Variants in BBX observed in about 807,000 individuals in gnomAD.
The protein encoded by BBX is BBX high mobility group box domain containing.
BBX carries 30 observed loss-of-function variants against 100.2 expected under a neutral mutation model. The ratio of observed to expected loss-of-function variants is 0.30; its 90% CI spans 0.22 to 0.41. BBX has a LOEUF of 0.41. BBX is among the 10% of genes least tolerant of loss of function. The pLI is 1.00. For synonymous variants in BBX, 376 were observed against 388.1 expected, an observed-to-expected ratio of 0.97 and a Z score of 0.37; for missense variants, 1,023 against 1,129.8, an observed-to-expected ratio of 0.91 and a Z score of 1.35.
At chr3:107,798,383 T>A (rs1206832340) in intron 15 of BBX, 140 bp from the exon 16 acceptor site, 1 of 763,538 alleles carries the variant, frequency 1.3e-6, no homozygotes, top group East Asian at 2.7e-5. Flanking sequence ...TTTATTTCAT[T>A]TTTTCCATCA....
At chr3:107,712,328 A>G (rs1439326658) in intron 4 of BBX, among the ~76,000 whole-genome samples, 1 of 152,156 alleles carries the variant, frequency 6.6e-6, no homozygotes, top group Non-Finnish European at 1.5e-5. Flanking sequence ...CTCTGGACTC[A>G]TATTTCTATT....
intron 2 of BBX, among the ~76,000 whole-genome samples, chr3:107,622,075 T>C (rs565906174): frequency 6.6e-6 from 1 of 152,246 alleles, no homozygotes; most frequent in African/African-American, 2.4e-5. Flanking sequence ...AATTCTCTTA[T>C]GTTTTTCATT....
intron 10 of BBX, among the ~76,000 whole-genome samples, chr3:107,770,202 T>C (rs1486468347): frequency 2.6e-5 from 4 of 152,208 alleles, no homozygotes; most frequent in Non-Finnish European, 5.9e-5. Flanking sequence ...TTGAAATATA[T>C]TGAAGCCTAG....
chr3:107,716,164 T>C (rs1411802600), intron 4 of BBX, among the ~76,000 whole-genome samples: 2 of 152,214 alleles, frequency 1.3e-5, no homozygotes, highest in Non-Finnish European at 2.9e-5. Context: ...ACTATTCATA[T>C]ATTTTATGTG....
chr3:107,548,254 A>G (rs1049625625), intron 2 of BBX, among the ~76,000 whole-genome samples: 1 of 152,218 alleles, frequency 6.6e-6, no homozygotes, highest in Non-Finnish European at 1.5e-5. Context: ...TTTGAAAATT[A>G]AAAAGATACT....
intron 3 of BBX, among the ~76,000 whole-genome samples, chr3:107,691,953 T>C (rs2060198474): frequency 6.6e-6 from 1 of 152,112 alleles, no homozygotes; most frequent in Non-Finnish European, 1.5e-5. Flanking sequence ...TTTGCAACCA[T>C]TAAGATTGAG....
Position 107,526,403 on chromosome 3 carries a change from G to A in BBX, c.-84+5G>A, listed in dbSNP as rs1348380621. Reference sequence around the variant, plus strand: ...ACTTTCCATTTGCCTTCCTGGGTAAGTATGCAAACTGTTCGTACAGGGAAG... The same window carrying A: ...ACTTTCCATTTGCCTTCCTGGGTAAATATGCAAACTGTTCGTACAGGGAAG... On this transcript the variant is annotated splice_donor_5th_base_variant and intron_variant, in intron 2 of 17. Transcript: ENST00000325805. The A allele has an allele frequency of 7.5e-6, 3 of 398,472 alleles. No homozygotes were observed. The highest frequency in any genetic ancestry group is 1.3e-5 in the Non-Finnish European group (3 of 226,068). The allele number at this position is 398,472 out of a possible 1,614,324, so 24.7% of individuals were successfully genotyped here. A position where few individuals can be genotyped will look rare whatever the true frequency, so the allele number is the denominator to read the frequency against.
At chr3:107,618,288 A>G (rs1036549589) in intron 2 of BBX, among the ~76,000 whole-genome samples, 12 of 151,418 alleles carry the variant, frequency 7.9e-5, no homozygotes, top group Non-Finnish European at 1.2e-4. Context: ...TTTGTTAGGG[A>G]TTTTTGTATC....
At chr3:107,547,632 G>C (rs549261945) in intron 2 of BBX, among the ~76,000 whole-genome samples, 3 of 152,042 alleles carry the variant, frequency 2.0e-5, no homozygotes, top group East Asian at 1.9e-4. Context: ...ACTGCCTGTG[G>C]TGTACCCGGC....
chr3:107,790,664 G>A (rs1051539900), intron 14 of BBX, among the ~76,000 whole-genome samples: 2 of 152,138 alleles, frequency 1.3e-5, no homozygotes, highest in Admixed American at 1.3e-4. Context: ...GCATCTCCCT[G>A]CATGTTAGTG....
intron 2 of BBX, among the ~76,000 whole-genome samples, chr3:107,630,424 A>C (rs572596191): frequency 3.9e-5 from 6 of 152,028 alleles, no homozygotes; most frequent in East Asian, 1.9e-4. Context: ...CGAGGGGGGA[A>C]CTCTGGTATT....
intron 13 of BBX, among the ~76,000 whole-genome samples, chr3:107,786,680 A>G (rs577142864): frequency 1.2e-4 from 19 of 152,312 alleles, no homozygotes; most frequent in African/African-American, 4.1e-4. Context: ...TAAAGCTAAA[A>G]CAATAAAACT....
intron 3 of BBX, among the ~76,000 whole-genome samples, chr3:107,680,237 C>T (rs1179639776): frequency 6.6e-6 from 1 of 152,116 alleles, no homozygotes; most frequent in Non-Finnish European, 1.5e-5. Context: ...AGACCAAAGT[C>T]GAAGGATGGC....
chr3:107,769,179 T>C (rs1399555753), intron 10 of BBX, among the ~76,000 whole-genome samples: 2 of 68,306 alleles, frequency 2.9e-5, no homozygotes. Context: ...CATAGATAGA[T>C]AGATAGATAG....
In BBX at chr3:107,661,983, G is replaced by A. The variant is rs147391702; in HGVS notation, c.-10+16074G>A. On this transcript the variant is annotated intron_variant, in intron 3 of 17. Transcript: ENST00000325805. ...CATTTGTTAAGTGACTACTGTTCAC[G>A]CAGCATAGTTGGTGGTCCTTTTGGG... The A allele has an allele frequency of 2.4e-3, 1,987 of 830,170 alleles. 41 individuals carry two copies. The African/African-American group carries it at 0.033, about 14-fold the overall frequency. 51.4% of individuals were successfully genotyped at this position (830,170 alleles called of 1,614,324 possible). A position where few individuals can be genotyped will look rare whatever the true frequency, so the allele number is the denominator to read the frequency against.
chr3:107,666,665 G>A (rs566590307), intron 3 of BBX, among the ~76,000 whole-genome samples: 134 of 152,180 alleles, frequency 8.8e-4, no homozygotes, highest in Non-Finnish European at 1.7e-3. Context: ...TCCCGGTCCC[G>A]GATTCAAGCA....
At position 107,805,490 on chromosome 3, in the gene BBX, C is replaced by T. The variant is rs1289626154; in HGVS notation, c.*33C>T. Reference sequence around the variant, plus strand: ...TTTCATTGTAAAACATTGTGCTTTACCTACTACCCTAGCCTTGTCTTTACC... The same window carrying T: ...TTTCATTGTAAAACATTGTGCTTTATCTACTACCCTAGCCTTGTCTTTACC... On this transcript the variant is annotated 3_prime_UTR_variant, in exon 18 of 18. Transcript: ENST00000325805. 6.2e-7 allele frequency: 1 copy of T among 1,614,058 alleles called. No individual in the cohort carries two copies. Among genetic ancestry groups the T allele is most frequent in the East Asian group, 2.2e-5 (1 of 44,886 alleles).
At chr3:107,776,934 T>A (rs62263961) in intron 12 of BBX, among the ~76,000 whole-genome samples, 1 of 152,098 alleles carries the variant, frequency 6.6e-6, no homozygotes, top group Non-Finnish European at 1.5e-5. Flanking sequence ...GGGGAAAATA[T>A]CACCTCCACC....
At position 107,811,313 on chromosome 3, in the gene BBX, A is replaced by G. The variant is rs200940433; in HGVS notation, c.*5856A>G. The stretch of plus-strand genomic sequence containing the variant: ...TAGGAAAAATACTAATAAAAGTAAG[A>G]TATTTCAACTATTTTAGAACATCGA... On this transcript the variant is annotated 3_prime_UTR_variant, in exon 18 of 18. Coordinates refer to ENST00000325805, the MANE Select transcript of BBX (RefSeq NM_001142568.3). 1 of 152,238 alleles carries G rather than the reference A, an allele frequency of 6.6e-6. No individual in the cohort carries two copies. The highest frequency in any genetic ancestry group is 1.5e-5 in the Non-Finnish European group (1 of 68,040). 9.4% of individuals were successfully genotyped at this position (152,238 alleles called of 1,614,324 possible).
Sources: gnomAD v4.1 joint callset for allele counts (sites outside exome capture counted in the v4.1 genomes callset) on GRCh38, gnomAD v4.1.1 for gene constraint, MANE v1.5 for transcripts, NCBI Gene and HGNC (gene_info 2026-07-23, HGNC 2026-07-21) for gene names.